The following NRXN3 variants were observed in gnomAD, a reference collection of about 807,000 sequenced individuals.
NRXN3 encodes neurexin III.
Under a neutral mutation model 137.6 loss-of-function variants are expected in NRXN3, and 32 were observed. The ratio of observed to expected loss-of-function variants is 0.23; its 90% CI spans 0.18 to 0.31. NRXN3 has a LOEUF of 0.31. NRXN3 is among the 10% of genes least tolerant of loss of function. NRXN3 has a pLI of 1.00. For synonymous variants in NRXN3, 798 were observed against 784.5 expected (o/e 1.02, Z -0.29); for missense variants, 1,574 against 2,062.5 (o/e 0.76, Z 4.59).
At chr14:78,788,147 A>G (rs539093379) in intron 8 of NRXN3, among the ~76,000 whole-genome samples, 1 of 152,112 alleles carries the variant, frequency 6.6e-6, no homozygotes, top group Non-Finnish European at 1.5e-5. Flanking sequence ...CCTAACACCA[A>G]GGCTCTTTCT....
chr14:79,834,796 ATAGCAGAGGACAATC>A (rs1382819332), intron 20 of NRXN3, among the ~76,000 whole-genome samples: 2 of 152,146 alleles, frequency 1.3e-5, no homozygotes, highest in Non-Finnish European at 2.9e-5. Context: ...TTGTCTTTTC[ATAGCAGAGGACAATC>A]TCTGTGACTT....
intron 17 of NRXN3, among the ~76,000 whole-genome samples, chr14:79,670,944 A>G (rs2098604123): frequency 6.6e-6 from 1 of 152,138 alleles, no homozygotes; most frequent in African/African-American, 2.4e-5. Context: ...GAATTCCACA[A>G]TAGTAGAAAC....
intron 4 of NRXN3, among the ~76,000 whole-genome samples, chr14:78,339,894 T>C (rs1446655226): frequency 6.6e-6 from 1 of 152,104 alleles, no homozygotes; most frequent in Non-Finnish European, 1.5e-5. Context: ...CAGTGCTCCT[T>C]CTCCTTTTCA....
chr14:78,525,380 T>G lies in NRXN3; in HGVS notation c.758-119740T>G, dbSNP rs77340051. Among the ~76,000 whole-genome samples the G allele has an allele frequency of 3.0e-4, 45 of 152,338 alleles. No individual in the cohort carries two copies. The East Asian group carries it at 5.8e-3, about 20-fold the overall frequency. ...AGCATTGGCCCCCATGCCTAGGTGA[T>G]GAGAACATTTGTCAGTAGATGTTAA... On this transcript the variant is annotated intron_variant, in intron 4 of 20. Coordinates refer to ENST00000335750, the MANE Select transcript of NRXN3 (RefSeq NM_001330195.2).
At chr14:79,784,687 A>C (rs925994019) in intron 19 of NRXN3, among the ~76,000 whole-genome samples, 1 of 150,508 alleles carries the variant, frequency 6.6e-6, no homozygotes, top group Non-Finnish European at 1.5e-5. Context: ...ATGGTGTTTA[A>C]AGCTGTCTAA....
chr14:78,512,569 A>C (rs1338006454), intron 4 of NRXN3, among the ~76,000 whole-genome samples: 1 of 152,198 alleles, frequency 6.6e-6, no homozygotes, highest in Non-Finnish European at 1.5e-5. Context: ...TTGTAAAAAC[A>C]AAACAAAATC....
chr14:79,817,093 C>T (rs904035763), intron 20 of NRXN3, among the ~76,000 whole-genome samples: 2 of 152,090 alleles, frequency 1.3e-5, no homozygotes, highest in African/African-American at 4.8e-5. Flanking sequence ...CACTCTGTCA[C>T]CCATGCTGGA....
chr14:78,794,671 A>C (rs531153144), intron 8 of NRXN3, among the ~76,000 whole-genome samples: 3 of 151,954 alleles, frequency 2.0e-5, no homozygotes, highest in African/African-American at 7.2e-5. Context: ...GTACCTAGAA[A>C]TATGCCTCTC....
At position 78,895,103 on chromosome 14, in the gene NRXN3, C is replaced by T. The variant is rs148223374; in HGVS notation, c.2276-62139C>T. Among the ~76,000 whole-genome samples, 6 of 151,768 alleles carry T rather than the reference C, an allele frequency of 4.0e-5. No individual in the cohort carries two copies. In the East Asian group the frequency reaches 1.2e-3, roughly 30 times the overall value. ...AACTTAAAGTCACCAGCTGCCTTAG[C>T]CCCCAACAATATAGTCAGCCCGCCC... On this transcript the variant is annotated intron_variant, in intron 10 of 20. Coordinates refer to ENST00000335750, the MANE Select transcript of NRXN3 (RefSeq NM_001330195.2).
At chr14:79,697,982 T>C (rs2098741420) in intron 19 of NRXN3, 45 bp downstream of exon 19, 4 of 1,525,074 alleles carry the variant, frequency 2.6e-6, no homozygotes, top group East Asian at 2.3e-5. Context: ...TTTTTATCTT[T>C]GCAACATTGT....
At chr14:79,106,681 A>G (rs940177233) in intron 15 of NRXN3, among the ~76,000 whole-genome samples, 1 of 152,154 alleles carries the variant, frequency 6.6e-6, no homozygotes, top group African/African-American at 2.4e-5. Flanking sequence ...ATAGCCATTA[A>G]TTTGGGGACT....
chr14:79,688,930 T>G (rs188792788), intron 17 of NRXN3, among the ~76,000 whole-genome samples: 1 of 152,078 alleles, frequency 6.6e-6, no homozygotes, highest in East Asian at 1.9e-4. Context: ...GACTAATATG[T>G]TTTTTTCTAA....
chr14:78,974,355 T>A lies in NRXN3; in HGVS notation c.3142+6009T>A, dbSNP rs1214959650. 3.3e-5 allele frequency among the ~76,000 whole-genome samples: 5 copies of A among 152,256 alleles called. No homozygotes were observed. In the East Asian group the frequency reaches 9.7e-4, roughly 29 times the overall value. On this transcript the variant is annotated intron_variant, in intron 14 of 20. Coordinates refer to ENST00000335750, the MANE Select transcript of NRXN3 (RefSeq NM_001330195.2). The stretch of plus-strand genomic sequence containing the variant: ...TCCCTGACTTTACTATCACGCAGGG[T>A]AAGAACTATATGGATTTTGAATTCC...
In NRXN3 at chr14:78,462,846, G is replaced by C. The variant is rs368604523; in HGVS notation, c.757+164986G>C. 5.9e-5 allele frequency among the ~76,000 whole-genome samples: 9 copies of C among 152,298 alleles called. No individual in the cohort carries two copies. In the East Asian group the frequency reaches 1.7e-3, roughly 29 times the overall value. On this transcript the variant is annotated intron_variant, in intron 4 of 20. Transcript: ENST00000335750. ...TCTGGACTACTCTGACACATTGGTTGAGGAATGACAATAACAATGGCAGGA... is the reference window on the plus strand; with the variant it reads ...TCTGGACTACTCTGACACATTGGTTCAGGAATGACAATAACAATGGCAGGA...
At chr14:78,983,981 A>G (rs2099496428) in intron 14 of NRXN3, among the ~76,000 whole-genome samples, 2 of 151,996 alleles carry the variant, frequency 1.3e-5, no homozygotes, top group African/African-American at 4.8e-5. Context: ...GACAGATACC[A>G]CATGATCTCA....
At chr14:78,479,657 G>A (rs1447868508) in intron 4 of NRXN3, among the ~76,000 whole-genome samples, 1 of 152,044 alleles carries the variant, frequency 6.6e-6, no homozygotes, top group Non-Finnish European at 1.5e-5. Context: ...TTTTTCTTTT[G>A]GACGCTAGTG....
At chr14:78,893,235 C>CT (rs2152710195) in intron 10 of NRXN3, among the ~76,000 whole-genome samples, 1 of 152,096 alleles carries the variant, frequency 6.6e-6, no homozygotes, top group East Asian at 1.9e-4. Context: ...TTGTGCCTCC[C>CT]TTTGTTGGCA....
At chr14:78,505,582 T>C (rs1296626463) in intron 4 of NRXN3, among the ~76,000 whole-genome samples, 3 of 152,158 alleles carry the variant, frequency 2.0e-5, no homozygotes, top group Non-Finnish European at 2.9e-5. Context: ...ATGATAAAGA[T>C]GATAATTAGC....
intron 4 of NRXN3, among the ~76,000 whole-genome samples, chr14:78,614,629 A>G (rs1349696631): frequency 6.6e-6 from 1 of 152,154 alleles, no homozygotes; most frequent in Non-Finnish European, 1.5e-5. Flanking sequence ...TCACATTTCA[A>G]ATAAGATTTT....
Sources: gnomAD v4.1 joint callset for allele counts (sites outside exome capture counted in the v4.1 genomes callset) on GRCh38, gnomAD v4.1.1 for gene constraint, MANE v1.5 for transcripts, NCBI Gene and HGNC (gene_info 2026-07-23, HGNC 2026-07-21) for gene names.